The following ADAMTS17 variants were observed in gnomAD, a reference collection of about 807,000 sequenced individuals.
The protein encoded by ADAMTS17 is ADAM metallopeptidase with thrombospondin type 1 motif 17.
Under a neutral mutation model 141.5 loss-of-function variants are expected in ADAMTS17, and 113 were observed. That is an observed-to-expected ratio of 0.80 (90% confidence interval 0.69 to 0.93). The LOEUF is 0.93. ADAMTS17 is among the 40% of genes least tolerant of loss of function. ADAMTS17 has a pLI of 0.00. For synonymous variants in ADAMTS17, 768 were observed against 630.6 expected (o/e 1.22, Z -3.27); for missense variants, 1,659 against 1,517.9 (o/e 1.09, Z -1.54).
At chr15:100,007,332 C>T (rs1019307026) in intron 18 of ADAMTS17, among the ~76,000 whole-genome samples, 1 of 152,044 alleles carries the variant, frequency 6.6e-6, no homozygotes, top group African/African-American at 2.4e-5. Flanking sequence ...GCCTTTGGTA[C>T]ACTCAGGAAT....
At chr15:100,273,318 T>A (rs899360701) in intron 4 of ADAMTS17, among the ~76,000 whole-genome samples, 12 of 152,158 alleles carry the variant, frequency 7.9e-5, no homozygotes, top group African/African-American at 2.4e-4. Context: ...ACCAATGAAG[T>A]CATAATGTCC....
At chr15:100,289,378 C>A (rs542309908) in intron 3 of ADAMTS17, among the ~76,000 whole-genome samples, 2 of 152,254 alleles carry the variant, frequency 1.3e-5, no homozygotes, top group Admixed American at 6.5e-5. Context: ...CAGGACCAGA[C>A]AGATTCACAG....
intron 3 of ADAMTS17, among the ~76,000 whole-genome samples, chr15:100,312,489 G>C (rs2045437423): frequency 6.6e-6 from 1 of 152,216 alleles, no homozygotes; most frequent in Admixed American, 6.5e-5. Context: ...AGAGCCGTAA[G>C]ATAATATATT....
intron 20 of ADAMTS17, among the ~76,000 whole-genome samples, chr15:99,982,222 G>A (rs761563821): frequency 7.9e-5 from 12 of 152,332 alleles, no homozygotes; most frequent in African/African-American, 1.4e-4. Context: ...ACGGCCAAGC[G>A]CCACAGCGAG....
At chr15:100,171,798 G>A (rs190391920) in intron 8 of ADAMTS17, among the ~76,000 whole-genome samples, 109 of 152,312 alleles carry the variant, frequency 7.2e-4, no homozygotes, top group African/African-American at 2.6e-3. Context: ...GTTCATAAAT[G>A]AATGGAACCA....
chr15:100,315,673 C>CA (rs562486884), intron 3 of ADAMTS17, among the ~76,000 whole-genome samples: 123 of 151,992 alleles, frequency 8.1e-4, no homozygotes, highest in African/African-American at 2.9e-3. Flanking sequence ...CCTGCGTCCA[C>CA]AAAAAATTTT....
intron 13 of ADAMTS17, among the ~76,000 whole-genome samples, chr15:100,112,680 G>A (rs1455119266): frequency 6.6e-6 from 1 of 152,116 alleles, no homozygotes; most frequent in African/African-American, 2.4e-5. Context: ...CACACTTGAA[G>A]GAAGGAAGCT....
chr15:100,317,915 A>G (rs1213751158), intron 3 of ADAMTS17, among the ~76,000 whole-genome samples: 1 of 152,154 alleles, frequency 6.6e-6, no homozygotes, highest in Non-Finnish European at 1.5e-5. Flanking sequence ...TTGAGGGGCC[A>G]AGGCTGAAGC....
chr15:100,256,164 C>A (rs1208954914), intron 6 of ADAMTS17, among the ~76,000 whole-genome samples: 1 of 152,192 alleles, frequency 6.6e-6, no homozygotes, highest in African/African-American at 2.4e-5. Context: ...ATGACAAACC[C>A]CCAGGCAGGG....
chr15:100,100,340 AT>A (rs973370658), intron 14 of ADAMTS17, among the ~76,000 whole-genome samples: 3 of 151,980 alleles, frequency 2.0e-5, no homozygotes, highest in Non-Finnish European at 4.4e-5. Context: ...TTTCTTGGTA[AT>A]TTCGCCTTCT....
In ADAMTS17 at chr15:100,281,411, G is replaced by A. The variant is rs1408921878; in HGVS notation, c.617-10C>T. Reference sequence around the variant, plus strand: ...GTCGGCTTCTTCTTTTCTAGAAAATGATGGAAACATTTGTGCGGTCCTTGG... The same window carrying A: ...GTCGGCTTCTTCTTTTCTAGAAAATAATGGAAACATTTGTGCGGTCCTTGG... On this transcript the variant is annotated splice_polypyrimidine_tract_variant and intron_variant, in intron 3 of 21. Transcript: ENST00000268070. 1.2e-6 allele frequency: 2 copies of A among 1,611,508 alleles called. No homozygotes were observed. The highest frequency in any genetic ancestry group is 1.1e-5 in the South Asian group (1 of 90,950).
In ADAMTS17 at chr15:100,020,171, G is replaced by A. The variant is rs910242464; in HGVS notation, c.2592-22582C>T. On this transcript the variant is annotated intron_variant, in intron 18 of 21. Coordinates refer to ENST00000268070, the MANE Select transcript of ADAMTS17 (RefSeq NM_139057.4). ...CCCTGCCCTGCTGGCCCAGCTGCCCGGCCCCACAAAATTATTCAATGTGAA... is the reference window on the plus strand; with the variant it reads ...CCCTGCCCTGCTGGCCCAGCTGCCCAGCCCCACAAAATTATTCAATGTGAA... 4.6e-5 allele frequency among the ~76,000 whole-genome samples: 7 copies of A among 152,144 alleles called. No individual in the cohort carries two copies. In the South Asian group the frequency reaches 8.3e-4, roughly 18 times the overall value.
At chr15:100,199,939 G>A (rs1039551033) in intron 7 of ADAMTS17, among the ~76,000 whole-genome samples, 3 of 152,328 alleles carry the variant, frequency 2.0e-5, no homozygotes, top group South Asian at 4.1e-4. Flanking sequence ...TGCGCATCCC[G>A]GGCGTGAGCC....
In ADAMTS17 at chr15:99,974,469, T is replaced by G. The variant is rs372853186; in HGVS notation, c.3221A>C (p.Gln1074Pro). Residue 1074 changes from glutamine to proline, a missense_variant, in exon 22 of 22, where the codon CAG becomes CCG. Gln to Pro is a moderately conservative substitution (Grantham distance 76, BLOSUM62 -1). Transcript: ENST00000268070. ...GTCCCTGCAGGTCTGGCAGCAGCGC[T>G]GGTACCACCGCATGTCCTGGCAGAG... ...KNLCQDMRWY[Q>P]RCCQTCRDFY... 1.9e-6 allele frequency: 3 copies of G among 1,614,080 alleles called. No individual in the cohort carries two copies. Among genetic ancestry groups the G allele is most frequent in the African/African-American group, 2.7e-5 (2 of 74,918 alleles).
chr15:100,205,840 T>TCCAAG (rs2041526679), intron 7 of ADAMTS17, among the ~76,000 whole-genome samples: 1 of 152,180 alleles, frequency 6.6e-6, no homozygotes, highest in Non-Finnish European at 1.5e-5. Flanking sequence ...GCAGGGATGT[T>TCCAAG]CCAAGCCAAG....
chr15:99,975,400 G>C (rs867792182), intron 21 of ADAMTS17, among the ~76,000 whole-genome samples: 2 of 152,206 alleles, frequency 1.3e-5, no homozygotes, highest in Admixed American at 1.3e-4. Flanking sequence ...AGTAGAGAAG[G>C]GGTTTCACCA....
At chr15:100,330,757 G>A (rs2046026136) in intron 3 of ADAMTS17, 132 bp downstream of exon 3, 16 of 1,156,324 alleles carry the variant, frequency 1.4e-5, no homozygotes, top group Non-Finnish European at 1.6e-5. Flanking sequence ...GTGGTCTCAG[G>A]GCAATAAAAC....
At chr15:100,122,916 A>T (rs1239670119) in intron 12 of ADAMTS17, among the ~76,000 whole-genome samples, 1 of 152,212 alleles carries the variant, frequency 6.6e-6, no homozygotes. Flanking sequence ...CATGTTGTTC[A>T]AGAGTCAACT....
chr15:100,337,693 C>T lies in ADAMTS17; in HGVS notation c.450+3346G>A, dbSNP rs150690252. On this transcript the variant is annotated intron_variant, in intron 2 of 21. Coordinates refer to ENST00000268070, the MANE Select transcript of ADAMTS17 (RefSeq NM_139057.4). Reference sequence around the variant, plus strand: ...GTGAGTATCATCCAAGAAAGGATGGCCACTGCTTGGCAGACCAAACCCGAC... The same window carrying T: ...GTGAGTATCATCCAAGAAAGGATGGTCACTGCTTGGCAGACCAAACCCGAC... Among the ~76,000 whole-genome samples, 368 of 152,342 alleles carry T rather than the reference C, an allele frequency of 2.4e-3. 1 individual carries two copies. The highest frequency in any genetic ancestry group is 8.2e-3 in the African/African-American group (343 of 41,576).
Sources: gnomAD v4.1 joint callset for allele counts (sites outside exome capture counted in the v4.1 genomes callset) on GRCh38, gnomAD v4.1.1 for gene constraint, MANE v1.5 for transcripts, NCBI Gene and HGNC (gene_info 2026-07-23, HGNC 2026-07-21) for gene names.